MED13L: variants seen among roughly 807,000 people sequenced by gnomAD.
MED13L encodes the protein mediator of RNA polymerase II transcription subunit 13-like.
In MED13L, 7 loss-of-function variants were observed where a neutral mutation model predicts 220.9. The observed-to-expected ratio is 0.03, with a 90% CI of 0.02 to 0.06. The LOEUF is 0.06. MED13L is among the 10% of genes least tolerant of loss of function. The probability of loss-of-function intolerance (pLI) is 1.00; values close to 1 mark genes in which losing one functional copy is unlikely to be tolerated. For missense variants in MED13L, 1,965 were observed against 2,760.5 expected (o/e 0.71, Z 6.46); for synonymous variants, 1,011 against 1,015.2 (o/e 1.00, Z 0.08).
At position 116,019,409 on chromosome 12, in the gene MED13L, C is replaced by T; in HGVS notation, c.824G>A (p.Gly275Asp). The stretch of plus-strand genomic sequence containing the variant: ...TGCTGAAGGGTAAACCATCCGAACA[C>T]CACCTATAAGCAAAGAGAACAAGGA... Reference protein sequence around the residue: ...FPVAVEVIVGGVRMVYPSAFV... With the variant: ...FPVAVEVIVGDVRMVYPSAFV... Residue 275 changes from glycine (G) to aspartate (D), a missense_variant, in exon 7 of 31, where the codon GGT becomes GAT. Gly to Asp is a moderately conservative substitution (Grantham distance 94, BLOSUM62 -1). Coordinates refer to ENST00000281928, the MANE Select transcript of MED13L (RefSeq NM_015335.5). 1 of 1,613,746 alleles carries T rather than the reference C, an allele frequency of 6.2e-7. No individual in the cohort carries two copies. The highest frequency in any genetic ancestry group is 2.2e-5 in the East Asian group (1 of 44,868).
intron 2 of MED13L, among the ~76,000 whole-genome samples, chr12:116,116,194 T>C (rs911787768): frequency 6.6e-6 from 1 of 152,174 alleles, no homozygotes; most frequent in African/African-American, 2.4e-5. Flanking sequence ...GAAATAATCA[T>C]GTGACCAGAG....
At chr12:116,077,280 C>T (rs992404267) in intron 4 of MED13L, among the ~76,000 whole-genome samples, 1 of 152,124 alleles carries the variant, frequency 6.6e-6, no homozygotes, top group Admixed American at 6.5e-5. Context: ...TACTGAGTTC[C>T]TCGGCAGGAC....
chr12:115,975,343 G>A (rs763457037), intron 24 of MED13L, 30 bp from the exon 25 acceptor site: 2 of 1,613,880 alleles, frequency 1.2e-6, no homozygotes, highest in Admixed American at 1.7e-5. Context: ...GGAAGGGGAA[G>A]GGGTCCCTAG....
chr12:115,983,587 G>A, intron 20 of MED13L, 47 bp from the exon 21 acceptor site: 1 of 1,598,004 alleles, frequency 6.3e-7, no homozygotes, highest in Non-Finnish European at 8.6e-7. Flanking sequence ...ATTCTGCAGT[G>A]TCGGACTGAA....
In MED13L at chr12:116,181,461, C is replaced by T. The variant is rs1275082585; in HGVS notation, c.310+56007G>A. On this transcript the variant is annotated intron_variant, in intron 2 of 30. Coordinates refer to ENST00000281928, the MANE Select transcript of MED13L (RefSeq NM_015335.5). Reference sequence around the variant, plus strand: ...AGTTACATAACAGGAATACATAACACTCTTTACTATCATCTCAATTATTTC... The same window carrying T: ...AGTTACATAACAGGAATACATAACATTCTTTACTATCATCTCAATTATTTC... Among the ~76,000 whole-genome samples the T allele has an allele frequency of 5.9e-5, 9 of 152,302 alleles. No homozygotes were observed. In the East Asian group the frequency reaches 1.7e-3, roughly 29 times the overall value.
intron 4 of MED13L, among the ~76,000 whole-genome samples, chr12:116,077,582 C>T (rs1186866667): frequency 6.6e-6 from 1 of 152,088 alleles, no homozygotes; most frequent in Non-Finnish European, 1.5e-5. Flanking sequence ...ATACTATCTG[C>T]ATAAGAAAGG....
At chr12:116,235,288 T>C (rs1869974473) in intron 2 of MED13L, among the ~76,000 whole-genome samples, 1 of 152,150 alleles carries the variant, frequency 6.6e-6, no homozygotes, top group Admixed American at 6.5e-5. Context: ...ACGCACTCAA[T>C]GAAATTATAA....
intron 2 of MED13L, among the ~76,000 whole-genome samples, chr12:116,197,986 A>G (rs1881751001): frequency 6.6e-6 from 1 of 152,224 alleles, no homozygotes; most frequent in Non-Finnish European, 1.5e-5. Flanking sequence ...AAATTTTTAC[A>G]GAGAACACTT....
At chr12:116,068,564 T>C (rs1870129257) in intron 4 of MED13L, among the ~76,000 whole-genome samples, 1 of 152,164 alleles carries the variant, frequency 6.6e-6, no homozygotes. Context: ...GTAGAATAAC[T>C]GGCCTATACA....
intron 4 of MED13L, among the ~76,000 whole-genome samples, chr12:116,037,619 C>A (rs1415897317): frequency 6.6e-6 from 1 of 152,124 alleles, no homozygotes; most frequent in Non-Finnish European, 1.5e-5. Context: ...TGTTCTCTGG[C>A]AGTAAGTTTG....
chr12:116,103,998 T>G (rs1002550963), intron 3 of MED13L, among the ~76,000 whole-genome samples: 12 of 121,402 alleles, frequency 9.9e-5, no homozygotes, highest in African/African-American at 3.2e-4. Flanking sequence ...AGGACATTGC[T>G]CTTTTTTTTT....
At chr12:116,064,724 T>C (rs559988913) in intron 4 of MED13L, among the ~76,000 whole-genome samples, 1 of 152,302 alleles carries the variant, frequency 6.6e-6, no homozygotes, top group African/African-American at 2.4e-5. Context: ...GGTACTATAC[T>C]GCCAAAAGGG....
At chr12:116,198,057 T>G (rs1012443313) in intron 2 of MED13L, among the ~76,000 whole-genome samples, 1 of 152,228 alleles carries the variant, frequency 6.6e-6, no homozygotes, top group Non-Finnish European at 1.5e-5. Context: ...ATAGTGCTTA[T>G]GTATGGCAGA....
intron 1 of MED13L, among the ~76,000 whole-genome samples, chr12:116,245,620 T>C (rs1871030248): frequency 6.6e-6 from 1 of 152,168 alleles, no homozygotes; most frequent in Non-Finnish European, 1.5e-5. Flanking sequence ...CAGGATGCTA[T>C]TTCAGGAGAG....
chr12:116,242,999 T>C (rs1466085112), intron 1 of MED13L, among the ~76,000 whole-genome samples: 1 of 152,222 alleles, frequency 6.6e-6, no homozygotes, highest in Non-Finnish European at 1.5e-5. Context: ...TTCATAAATC[T>C]TTCTTTAGTC....
intron 12 of MED13L, 128 bp downstream of exon 12, chr12:116,006,176 CTA>C: frequency 1.6e-6 from 2 of 1,247,420 alleles, no homozygotes; most frequent in Non-Finnish European, 2.3e-6. Flanking sequence ...GAAAAACAAA[CTA>C]TGAAAAATAT....
At chr12:116,096,354 C>CA (rs537207957) in intron 4 of MED13L, among the ~76,000 whole-genome samples, 1,342 of 23,538 alleles carry the variant, frequency 0.057, 345 homozygotes, top group Middle Eastern at 0.25. Context: ...GACACAGCCT[C>CA]AAAAAAAAAA....
intron 2 of MED13L, chr12:116,181,327 A>G (rs773239870): frequency 3.7e-4 from 57 of 152,174 alleles, no homozygotes; most frequent in Non-Finnish European, 3.4e-4. Flanking sequence ...AAGTTTTACA[A>G]AAGAAACAAT....
chr12:116,227,477 A>G (rs1363543130), intron 2 of MED13L, among the ~76,000 whole-genome samples: 1 of 152,206 alleles, frequency 6.6e-6, no homozygotes, highest in South Asian at 2.1e-4. Context: ...CATGTGCTCA[A>G]TTCTTGTGTC....
Sources: gnomAD v4.1 joint callset for allele counts (sites outside exome capture counted in the v4.1 genomes callset) on GRCh38, gnomAD v4.1.1 for gene constraint, MANE v1.5 for transcripts, NCBI Gene and HGNC (gene_info 2026-07-23, HGNC 2026-07-21) for gene names.